NR3C2: variants seen among roughly 807,000 people sequenced by gnomAD.
NR3C2 encodes the protein nuclear receptor subfamily 3 group C member 2.
In NR3C2, 15 loss-of-function variants were observed where a neutral mutation model predicts 86.4. The observed-to-expected ratio is 0.17, with a 90% CI of 0.12 to 0.27. The LOEUF is 0.27. Ranked by LOEUF, NR3C2 falls within the 10% of genes least tolerant of loss-of-function variation. The pLI is 1.00. For synonymous variants in NR3C2, 458 were observed against 450.5 expected, an observed-to-expected ratio of 1.02 and a Z score of -0.21; for missense variants, 960 against 1,195.6, an observed-to-expected ratio of 0.80 and a Z score of 2.91.
intron 2 of NR3C2, among the ~76,000 whole-genome samples, chr4:148,301,196 A>G (rs79050869): frequency 0.023 from 3,563 of 152,198 alleles, 53 homozygotes; most frequent in African/African-American, 0.041. Flanking sequence ...GTGTAGTTAT[A>G]TATGTATTGA....
chr4:148,089,029 C>T (rs1730945015), intron 8 of NR3C2, among the ~76,000 whole-genome samples: 1 of 152,142 alleles, frequency 6.6e-6, no homozygotes, highest in Non-Finnish European at 1.5e-5. Context: ...CAAAATAACT[C>T]TATAGTTTAA....
chr4:148,124,353 A>C (rs1248782688), intron 6 of NR3C2, among the ~76,000 whole-genome samples: 1 of 152,210 alleles, frequency 6.6e-6, no homozygotes. Flanking sequence ...TTAAAAAGCT[A>C]TGGATTTCTA....
intron 8 of NR3C2, among the ~76,000 whole-genome samples, chr4:148,101,810 G>A (rs182876082): frequency 6.6e-6 from 1 of 152,134 alleles, no homozygotes; most frequent in East Asian, 1.9e-4. Context: ...CCATTTAACA[G>A]AAAGAGCCAT....
At chr4:148,278,577 G>A (rs1050415795) in intron 2 of NR3C2, among the ~76,000 whole-genome samples, 23 of 151,664 alleles carry the variant, frequency 1.5e-4, no homozygotes, top group Non-Finnish European at 2.4e-4. Context: ...GCGTGCGCGC[G>A]CACACACACA....
At chr4:148,152,907 T>C (rs907148034) in intron 5 of NR3C2, among the ~76,000 whole-genome samples, 2 of 152,186 alleles carry the variant, frequency 1.3e-5, no homozygotes, top group African/African-American at 2.4e-5. Flanking sequence ...CTTGGTTAGA[T>C]TGAGAGAATT....
chr4:148,300,166 A>T (rs551019115), intron 2 of NR3C2, among the ~76,000 whole-genome samples: 112 of 152,262 alleles, frequency 7.4e-4, no homozygotes, highest in Non-Finnish European at 1.5e-3. Flanking sequence ...TGGAAGTATG[A>T]CCTGTAACCA....
chr4:148,333,747 G>A (rs1259248079), intron 2 of NR3C2, among the ~76,000 whole-genome samples: 3 of 152,098 alleles, frequency 2.0e-5, no homozygotes, highest in African/African-American at 7.2e-5. Flanking sequence ...TTGTTTCAAA[G>A]TGAGCCAGAC....
intron 2 of NR3C2, among the ~76,000 whole-genome samples, chr4:148,413,561 C>T (rs1258614489): frequency 1.3e-5 from 2 of 151,886 alleles, no homozygotes; most frequent in East Asian, 3.9e-4. Flanking sequence ...AAGCAGTAGA[C>T]TGGGAGAGCA....
intron 4 of NR3C2, among the ~76,000 whole-genome samples, chr4:148,182,928 T>TA (rs1735711526): frequency 1.3e-5 from 2 of 152,206 alleles, no homozygotes; most frequent in African/African-American, 2.4e-5. Flanking sequence ...CATCAACTCG[T>TA]CATATACATT....
intron 2 of NR3C2, among the ~76,000 whole-genome samples, chr4:148,303,924 T>G (rs1006245063): frequency 9.9e-5 from 15 of 152,198 alleles, no homozygotes; most frequent in African/African-American, 3.6e-4. Flanking sequence ...TAAAGGCGCG[T>G]TGACCCCCAT....
intron 6 of NR3C2, among the ~76,000 whole-genome samples, chr4:148,150,277 G>A (rs1196887500): frequency 6.6e-6 from 1 of 152,076 alleles, no homozygotes; most frequent in Non-Finnish European, 1.5e-5. Flanking sequence ...ACAACCTCTG[G>A]TTACATTTCA....
rs185971310 is a variant in NR3C2 at position 148,158,845 on chromosome 4, G to A, written c.2015-3944C>T. On this transcript the variant is annotated intron_variant, in intron 4 of 8. Coordinates refer to ENST00000358102, the MANE Select transcript of NR3C2 (RefSeq NM_000901.5). ...GCATAAACCTAGGGAGCTGATTATC[G>A]ACATCACATTTAGCATTTCAGGTAC... Among the ~76,000 whole-genome samples, 299 of 152,150 alleles carry A rather than the reference G, an allele frequency of 2.0e-3. 1 individual carries two copies. Among genetic ancestry groups the A allele is most frequent in the African/African-American group, 6.8e-3 (283 of 41,510 alleles).
chr4:148,152,698 A>G, intron 5 of NR3C2, 85 bp from the exon 6 acceptor site: 1 of 1,331,444 alleles, frequency 7.5e-7, no homozygotes, highest in Non-Finnish European at 1.1e-6. Context: ...AACCCCAAAC[A>G]GCCACCTTTC....
chr4:148,336,795 T>C (rs929357841), intron 2 of NR3C2, among the ~76,000 whole-genome samples: 3 of 152,180 alleles, frequency 2.0e-5, no homozygotes, highest in Non-Finnish European at 4.4e-5. Flanking sequence ...TTTGATTTGT[T>C]TTTTTCTTTT....
At chr4:148,363,297 T>G (rs975385988) in intron 2 of NR3C2, among the ~76,000 whole-genome samples, 1 of 152,196 alleles carries the variant, frequency 6.6e-6, no homozygotes, top group African/African-American at 2.4e-5. Context: ...AGAGAGATTT[T>G]AAATATCCCA....
intron 8 of NR3C2, among the ~76,000 whole-genome samples, chr4:148,113,455 G>C (rs765406053): frequency 1.2e-4 from 18 of 152,030 alleles, no homozygotes; most frequent in Non-Finnish European, 2.2e-4. Context: ...AAATCTGAGG[G>C]CCTTCCCTGG....
chr4:148,154,946 G>C (rs1008339941), intron 4 of NR3C2, 45 bp from the exon 5 acceptor site: 45 of 1,442,268 alleles, frequency 3.1e-5, no homozygotes, highest in Admixed American at 1.8e-4. Context: ...AATTATGTTT[G>C]AAATATGCTG....
At chr4:148,394,150 T>A (rs1023420014) in intron 2 of NR3C2, among the ~76,000 whole-genome samples, 32 of 152,036 alleles carry the variant, frequency 2.1e-4, no homozygotes, top group African/African-American at 7.7e-4. Context: ...ACCACATGAA[T>A]GAGGCCATCT....
intron 2 of NR3C2, among the ~76,000 whole-genome samples, chr4:148,370,042 C>G (rs931930075): frequency 3.9e-5 from 6 of 152,182 alleles, no homozygotes; most frequent in African/African-American, 1.4e-4. Flanking sequence ...CACAGGAAGG[C>G]ATGCACTTTG....
Sources: allele counts gnomAD v4.1 joint callset (sites outside exome capture counted in the v4.1 genomes callset), GRCh38; gene constraint gnomAD v4.1.1; transcripts MANE v1.5; gene names NCBI Gene and HGNC (gene_info 2026-07-23, HGNC 2026-07-21).